The following KIF6 variants were observed in gnomAD, a reference collection of about 807,000 sequenced individuals.
KIF6 encodes the protein kinesin-like protein KIF6.
KIF6 carries 106 observed loss-of-function variants against 112.7 expected under a neutral mutation model. That is an observed-to-expected ratio of 0.94 (90% CI 0.80 to 1.11). The LOEUF (loss-of-function observed/expected upper bound fraction) is 1.11, where lower values mean the gene tolerates loss of function less well. Among genes scored for constraint, KIF6 ranks in the 50% least tolerant of loss-of-function variants. KIF6 has a pLI of 0.00. For missense variants in KIF6, 929 were observed against 964.0 expected (o/e 0.96, Z 0.48); for synonymous variants, 339 against 339.9 (o/e 1.00, Z 0.03).
At chr6:39,465,278 TC>T (rs1562240971) in intron 13 of KIF6, among the ~76,000 whole-genome samples, 1 of 152,212 alleles carries the variant, frequency 6.6e-6, no homozygotes, top group African/African-American at 2.4e-5. Flanking sequence ...GCAAGATGCA[TC>T]TTTGGCAAAT....
chr6:39,608,924 G>C (rs755093857), intron 6 of KIF6, among the ~76,000 whole-genome samples: 2 of 152,204 alleles, frequency 1.3e-5, no homozygotes, highest in Non-Finnish European at 2.9e-5. Context: ...TGAACAAGAC[G>C]AAAGTCTTGT....
chr6:39,621,571 C>T (rs1783821730), intron 5 of KIF6, among the ~76,000 whole-genome samples: 1 of 152,160 alleles, frequency 6.6e-6, no homozygotes, highest in Admixed American at 6.5e-5. Context: ...CCTTGTTCAT[C>T]GCTGTGCCCC....
chr6:39,461,885 A>G (rs1773500084), intron 13 of KIF6, among the ~76,000 whole-genome samples: 2 of 152,244 alleles, frequency 1.3e-5, no homozygotes, highest in South Asian at 4.1e-4. Flanking sequence ...TATAATACTA[A>G]TATTTTATAC....
At chr6:39,685,819 AG>A (rs1189156763) in intron 3 of KIF6, among the ~76,000 whole-genome samples, 4 of 152,226 alleles carry the variant, frequency 2.6e-5, no homozygotes, top group African/African-American at 9.6e-5. Flanking sequence ...GAATGGTCAT[AG>A]CCCCTCCAAA....
chr6:39,437,117 AT>A (rs1018770891), intron 13 of KIF6, among the ~76,000 whole-genome samples: 5 of 151,862 alleles, frequency 3.3e-5, no homozygotes, highest in African/African-American at 1.2e-4. Context: ...TATTTTATAT[AT>A]TTTTTGTGGC....
chr6:39,450,423 G>A (rs990603016), intron 13 of KIF6, among the ~76,000 whole-genome samples: 3 of 152,202 alleles, frequency 2.0e-5, no homozygotes, highest in Non-Finnish European at 4.4e-5. Context: ...GAGGAGGTAA[G>A]AATATGCAAA....
chr6:39,514,051 T>C (rs1248326561), intron 13 of KIF6, among the ~76,000 whole-genome samples: 2 of 152,256 alleles, frequency 1.3e-5, no homozygotes, highest in Non-Finnish European at 2.9e-5. Context: ...TTGTTAGCTT[T>C]TTACAATTTG....
At chr6:39,555,384 G>A (rs1175765051) in intron 10 of KIF6, among the ~76,000 whole-genome samples, 1 of 152,068 alleles carries the variant, frequency 6.6e-6, no homozygotes, top group African/African-American at 2.4e-5. Flanking sequence ...CATCACCCCA[G>A]TGTCTTTTGC....
intron 5 of KIF6, among the ~76,000 whole-genome samples, chr6:39,633,654 C>T (rs1784467619): frequency 6.6e-6 from 1 of 152,160 alleles, no homozygotes; most frequent in South Asian, 2.1e-4. Flanking sequence ...CCTTAGTCCA[C>T]CCTGTGTCCT....
At chr6:39,436,350 A>G (rs1771527159) in intron 13 of KIF6, among the ~76,000 whole-genome samples, 1 of 151,988 alleles carries the variant, frequency 6.6e-6, no homozygotes, top group Non-Finnish European at 1.5e-5. Context: ...TTTTCTGTGC[A>G]GAAGCTTTTT....
chr6:39,657,902 C>T (rs1785896810), intron 3 of KIF6, among the ~76,000 whole-genome samples: 1 of 152,132 alleles, frequency 6.6e-6, no homozygotes. Context: ...CAAAAGTGAT[C>T]TCAACAAGAT....
At chr6:39,532,682 C>A (rs2150546936) in intron 13 of KIF6, among the ~76,000 whole-genome samples, 1 of 152,188 alleles carries the variant, frequency 6.6e-6, no homozygotes, top group Admixed American at 6.5e-5. Context: ...GCTTCTCAAT[C>A]TTGTCTTAAC....
chr6:39,379,592 G>C (rs992562065), intron 16 of KIF6, among the ~76,000 whole-genome samples: 2 of 152,238 alleles, frequency 1.3e-5, no homozygotes, highest in Non-Finnish European at 1.5e-5. Context: ...GTCAGGGAAG[G>C]CTTCACAGAG....
At chr6:39,547,444 T>TA (rs1001330375) in intron 10 of KIF6, among the ~76,000 whole-genome samples, 2 of 152,156 alleles carry the variant, frequency 1.3e-5, no homozygotes, top group Admixed American at 6.5e-5. Flanking sequence ...ATACATTTTT[T>TA]AAAAAATCAT....
chr6:39,493,885 G>C (rs1775623399), intron 13 of KIF6, among the ~76,000 whole-genome samples: 1 of 152,212 alleles, frequency 6.6e-6, no homozygotes, highest in Admixed American at 6.5e-5. Context: ...CTGGCTTTCA[G>C]AGCCTTCTTT....
rs564229262 is a variant in KIF6, at chr6:39,583,674, C to CTTTTTTTTT, written c.1077+1215_1077+1223dup. On this transcript the variant is annotated intron_variant, in intron 9 of 22. Transcript: ENST00000287152. ...AAACACTGTTGGTAGGATTTCACTT[C>CTTTTTTTTT]TTTTTTTTTTTTTTTTTTTTTTTTT... Among the ~76,000 whole-genome samples the CTTTTTTTTT allele has an allele frequency of 5.0e-4, 36 of 71,704 alleles. 9 individuals carry two copies. The highest frequency in any genetic ancestry group is 9.0e-4 in the East Asian group (2 of 2,220). 47.0% of individuals were successfully genotyped at this position (71,704 alleles called of 152,430 possible).
intron 13 of KIF6, among the ~76,000 whole-genome samples, chr6:39,506,438 T>C (rs993126972): frequency 6.6e-6 from 1 of 152,014 alleles, no homozygotes; most frequent in Non-Finnish European, 1.5e-5. Context: ...GACAGATTGA[T>C]AGCTGCAGGA....
At chr6:39,454,600 C>G (rs1189311952) in intron 13 of KIF6, among the ~76,000 whole-genome samples, 1 of 150,762 alleles carries the variant, frequency 6.6e-6, no homozygotes, top group African/African-American at 2.4e-5. Context: ...GCATTTCCAT[C>G]TGAGGTACCA....
chr6:39,622,625 A>C (rs1346181789), intron 5 of KIF6, among the ~76,000 whole-genome samples: 1 of 151,974 alleles, frequency 6.6e-6, no homozygotes, highest in Admixed American at 6.6e-5. Flanking sequence ...TTAGGCTTTG[A>C]TTTTGTTCAG....
Sources: allele counts gnomAD v4.1 joint callset (sites outside exome capture counted in the v4.1 genomes callset), GRCh38; gene constraint gnomAD v4.1.1; transcripts MANE v1.5; gene names NCBI Gene and HGNC (gene_info 2026-07-23, HGNC 2026-07-21).